Variants in PRTFDC1 observed in about 807,000 individuals in gnomAD.
PRTFDC1 encodes the protein phosphoribosyl transferase domain containing 1, also known as phosphoribosyltransferase domain-containing protein 1.
Under a neutral mutation model 34.6 loss-of-function variants are expected in PRTFDC1, and 38 were observed. The ratio of observed to expected loss-of-function variants is 1.10; its 90% CI spans 0.85 to 1.44. The LOEUF (loss-of-function observed/expected upper bound fraction) is 1.44, where lower values mean the gene tolerates loss of function less well. Ranked by LOEUF, PRTFDC1 falls within the 40% of genes most tolerant of loss-of-function variation. The pLI is 0.00. For synonymous variants in PRTFDC1, 93 were observed against 98.1 expected, an observed-to-expected ratio of 0.95 and a Z score of 0.31; for missense variants, 270 against 283.0, an observed-to-expected ratio of 0.95 and a Z score of 0.33.
chr10:24,869,348 TA>T (rs1390598710), intron 4 of PRTFDC1, among the ~76,000 whole-genome samples: 1 of 152,104 alleles, frequency 6.6e-6, no homozygotes, highest in Non-Finnish European at 1.5e-5. Context: ...ACTCACTCCA[TA>T]AGACCAAAAA....
intron 3 of PRTFDC1, among the ~76,000 whole-genome samples, chr10:24,902,000 G>T (rs1389488334): frequency 5.3e-5 from 8 of 152,176 alleles, no homozygotes; most frequent in African/African-American, 7.2e-5. Flanking sequence ...GGCGTGGTTG[G>T]TTGTTAGGAG....
At chr10:24,855,901 C>T (rs1411308426) in intron 6 of PRTFDC1, among the ~76,000 whole-genome samples, 1 of 151,902 alleles carries the variant, frequency 6.6e-6, no homozygotes, top group East Asian at 1.9e-4. Context: ...ATCACTTGAG[C>T]TCATAAGTTT....
intron 1 of PRTFDC1, among the ~76,000 whole-genome samples, chr10:24,946,005 G>A (rs1849246051): frequency 1.3e-5 from 2 of 152,136 alleles, no homozygotes; most frequent in Non-Finnish European, 2.9e-5. Context: ...ACTGGCCCCA[G>A]GCCCCAGGGG....
chr10:24,898,071 G>C (rs1456231550), intron 3 of PRTFDC1, among the ~76,000 whole-genome samples: 2 of 151,842 alleles, frequency 1.3e-5, no homozygotes, highest in African/African-American at 4.8e-5. Context: ...ACTTTTTTTT[G>C]ATAAGTGTCC....
intron 3 of PRTFDC1, among the ~76,000 whole-genome samples, chr10:24,884,653 T>G (rs1275243136): frequency 6.6e-6 from 1 of 152,226 alleles, no homozygotes; most frequent in Non-Finnish European, 1.5e-5. Context: ...ATTGAGCTAA[T>G]GGAATTATTC....
At chr10:24,929,784 C>T (rs879513624) in intron 3 of PRTFDC1, among the ~76,000 whole-genome samples, 7 of 152,104 alleles carry the variant, frequency 4.6e-5, no homozygotes, top group Non-Finnish European at 8.8e-5. Context: ...TACAAAAAAG[C>T]TGTCTAAAAA....
At chr10:24,868,743 T>C (rs1355162913) in intron 4 of PRTFDC1, among the ~76,000 whole-genome samples, 5 of 152,266 alleles carry the variant, frequency 3.3e-5, no homozygotes, top group African/African-American at 1.2e-4. Context: ...GACTTTCTTC[T>C]ACACCCATTA....
chr10:24,859,612 T>C (rs1278491973), intron 4 of PRTFDC1, among the ~76,000 whole-genome samples: 3 of 152,164 alleles, frequency 2.0e-5, no homozygotes, highest in Non-Finnish European at 2.9e-5. Context: ...AGCACCATGC[T>C]TCCTATACAG....
rs190513738 is a variant in PRTFDC1, at chr10:24,908,897, T to C, written c.339+28287A>G. On this transcript the variant is annotated intron_variant, in intron 3 of 8. Transcript: ENST00000320152. ...CTGGGGTGAGAATGCAGGATGGAGG[T>C]CAGTTGTTCTAAATGTAAAGTCTCA... is the stretch of plus-strand genomic sequence containing the variant. The C allele has an allele frequency of 7.9e-5, 52 of 658,894 alleles. No homozygotes were observed. The East Asian group carries it at 1.5e-3, about 20-fold the overall frequency. The allele number at this position is 658,894 out of a possible 1,614,324, so 40.8% of individuals were successfully genotyped here.
intron 3 of PRTFDC1, among the ~76,000 whole-genome samples, chr10:24,897,773 A>G (rs1304288348): frequency 6.6e-6 from 1 of 152,258 alleles, no homozygotes; most frequent in Admixed American, 6.5e-5. Flanking sequence ...GCTTTCTTTC[A>G]TGAATGACTG....
rs1311367917 is a variant in PRTFDC1 at position 24,937,262 on chromosome 10, T to C, written c.261A>G (p.Glu87=). The C allele has an allele frequency of 1.9e-6, 3 of 1,614,034 alleles. No individual in the cohort carries two copies. In the East Asian group the frequency reaches 6.7e-5, roughly 36 times the overall value. Residue 87 remains glutamate, a synonymous_variant, in exon 3 of 9, where the codon GAA becomes GAG. Transcript: ENST00000320152. ...AATTTCGGCTGATGTTCTTAAGGTG[T>C]TCTACGAGATCAGCACAGAATTTGT... ...GGYKFCADLV[E]HLKNISRNSD... is the part of the protein sequence containing the mutation.
intron 3 of PRTFDC1, among the ~76,000 whole-genome samples, chr10:24,889,031 G>A (rs1027288630): frequency 4.6e-5 from 7 of 151,922 alleles, no homozygotes; most frequent in Admixed American, 3.9e-4. Flanking sequence ...CCCCCTCCCC[G>A]ACCCTGCCCC....
At chr10:24,881,653 C>T (rs1040271068) in intron 3 of PRTFDC1, among the ~76,000 whole-genome samples, 3 of 152,160 alleles carry the variant, frequency 2.0e-5, no homozygotes, top group Admixed American at 6.5e-5. Flanking sequence ...AAAGAATTCA[C>T]TACTTGTAAA....
At chr10:24,851,536 C>G in intron 7 of PRTFDC1, 72 bp from the exon 8 acceptor site, 1 of 1,561,094 alleles carries the variant, frequency 6.4e-7, no homozygotes, top group Non-Finnish European at 8.6e-7. Context: ...TCACCATATG[C>G]TGCTGTCGCC....
intron 4 of PRTFDC1, among the ~76,000 whole-genome samples, chr10:24,866,191 T>C (rs1045523356): frequency 9.2e-5 from 14 of 151,864 alleles, no homozygotes; most frequent in Non-Finnish European, 2.1e-4. Context: ...TGAAACCCCA[T>C]CTCTTCTAAA....
chr10:24,945,610 C>T (rs902936703), intron 1 of PRTFDC1, among the ~76,000 whole-genome samples: 11 of 152,114 alleles, frequency 7.2e-5, no homozygotes, highest in Admixed American at 4.6e-4. Flanking sequence ...TGGACAACCA[C>T]GCTCAGCTTA....
At chr10:24,901,365 A>G (rs140506805) in intron 3 of PRTFDC1, among the ~76,000 whole-genome samples, 142 of 152,300 alleles carry the variant, frequency 9.3e-4, no homozygotes, top group African/African-American at 3.3e-3. Flanking sequence ...ATAAAAATAG[A>G]AATTATAGAT....
intron 5 of PRTFDC1, 92 bp from the exon 6 acceptor site, chr10:24,857,087 T>C (rs540358495): frequency 1.2e-5 from 13 of 1,088,664 alleles, no homozygotes; most frequent in Non-Finnish European, 1.8e-5. Context: ...TAATAATGCA[T>C]CGTAATTAAA....
intron 3 of PRTFDC1, chr10:24,908,556 G>A (rs774610092): frequency 5.6e-6 from 9 of 1,612,792 alleles, no homozygotes; most frequent in Non-Finnish European, 4.2e-6. Context: ...CAGGGAATGA[G>A]CACTTGGAGG....
Sources: gnomAD v4.1 joint callset for allele counts (sites outside exome capture counted in the v4.1 genomes callset) on GRCh38, gnomAD v4.1.1 for gene constraint, MANE v1.5 for transcripts, NCBI Gene and HGNC (gene_info 2026-07-23, HGNC 2026-07-21) for gene names.